Variants in RORA observed in about 807,000 individuals in gnomAD.
RORA encodes RAR related orphan receptor A, also known as nuclear receptor ROR-alpha.
A neutral mutation model predicts 69.5 loss-of-function variants in RORA; 7 were observed. That is an observed-to-expected ratio of 0.10 (90% CI 0.06 to 0.19). RORA has a LOEUF of 0.19. Among genes scored for constraint, RORA ranks in the 10% least tolerant of loss-of-function variants. The pLI is 1.00. For synonymous variants in RORA, 261 were observed against 240.8 expected (o/e 1.08, Z -0.78); for missense variants, 457 against 663.0 (o/e 0.69, Z 3.41).
intron 1 of RORA, among the ~76,000 whole-genome samples, chr15:61,133,558 C>A (rs955076532): frequency 1.3e-5 from 2 of 152,140 alleles, no homozygotes; most frequent in South Asian, 2.1e-4. Context: ...ACTCTAATGT[C>A]AGGCAAGCCC....
chr15:60,803,621 C>T lies in RORA; in HGVS notation c.167-124935G>A, dbSNP rs921298011. 3.3e-5 allele frequency among the ~76,000 whole-genome samples: 5 copies of T among 152,202 alleles called. 1 individual carries two copies. The highest frequency in any genetic ancestry group is 9.7e-5 in the African/African-American group (4 of 41,444). ...CCAAGTTGGAGGCCTAGCGTTGCTG[C>T]TAATTCCCTGTCAAATCATCTTTCT... On this transcript the variant is annotated intron_variant, in intron 1 of 10. Transcript: ENST00000335670.
At chr15:61,052,863 CAA>C (rs200521736) in intron 1 of RORA, among the ~76,000 whole-genome samples, 3,458 of 152,294 alleles carry the variant, frequency 0.023, 52 homozygotes, top group Non-Finnish European at 0.032. Context: ...GTACCCTGCA[CAA>C]AAGTGTCCAG....
chr15:61,048,417 G>A (rs1897139375), intron 1 of RORA, among the ~76,000 whole-genome samples: 2 of 152,172 alleles, frequency 1.3e-5, no homozygotes, highest in African/African-American at 4.8e-5. Flanking sequence ...AGGTGAGAGA[G>A]GCACAGGCAC....
At chr15:60,766,296 T>C (rs1043485433) in intron 1 of RORA, among the ~76,000 whole-genome samples, 3 of 152,164 alleles carry the variant, frequency 2.0e-5, no homozygotes, top group African/African-American at 7.2e-5. Flanking sequence ...TGTAATTTGC[T>C]CTTTTGCAGA....
chr15:60,907,788 T>C (rs1891587821), intron 1 of RORA, among the ~76,000 whole-genome samples: 1 of 152,194 alleles, frequency 6.6e-6, no homozygotes, highest in Admixed American at 6.5e-5. Flanking sequence ...CCACTTCCCA[T>C]GTGTCATTTG....
At chr15:60,741,132 C>T (rs1381159805) in intron 1 of RORA, among the ~76,000 whole-genome samples, 1 of 152,188 alleles carries the variant, frequency 6.6e-6, no homozygotes, top group Non-Finnish European at 1.5e-5. Flanking sequence ...CTTCAAGCAG[C>T]TAATGTTACA....
Position 61,140,360 on chromosome 15 carries a change from G to A in RORA, c.166+88693C>T, listed in dbSNP as rs190221779. Among the ~76,000 whole-genome samples, 363 of 152,296 alleles carry A rather than the reference G, an allele frequency of 2.4e-3. 2 individuals are homozygous for A. The highest frequency in any genetic ancestry group is 4.2e-3 in the Non-Finnish European group (288 of 68,018). ...AGGGATACTTAACATACCAGCACCTGTAGGTGTGCTTGATTAATAACCCCC... is the reference window on the plus strand; with the variant it reads ...AGGGATACTTAACATACCAGCACCTATAGGTGTGCTTGATTAATAACCCCC... On this transcript the variant is annotated intron_variant, in intron 1 of 10. Coordinates refer to ENST00000335670, the MANE Select transcript of RORA (RefSeq NM_134261.3).
At chr15:60,658,581 T>A (rs1337980109) in intron 2 of RORA, among the ~76,000 whole-genome samples, 7 of 152,162 alleles carry the variant, frequency 4.6e-5, no homozygotes. Flanking sequence ...TTTTCACATG[T>A]ATCTGCACAA....
chr15:61,223,084 C>A lies in RORA; in HGVS notation c.166+5969G>T, dbSNP rs140382500. On this transcript the variant is annotated intron_variant, in intron 1 of 10. Coordinates refer to ENST00000335670, the MANE Select transcript of RORA (RefSeq NM_134261.3). ...ATCCTAGCACTTTGGGAGGCCGAGG[C>A]GGGTGGATTGTCTAAGCTCAGGAGT... 1.2e-4 allele frequency among the ~76,000 whole-genome samples: 19 copies of A among 152,078 alleles called. No individual in the cohort carries two copies. In the East Asian group the frequency reaches 3.3e-3, roughly 26 times the overall value.
rs1242607495 is a variant in RORA at position 60,905,212 on chromosome 15, C to T, written c.167-226526G>A. 6.6e-6 allele frequency among the ~76,000 whole-genome samples: 1 copy of T among 152,174 alleles called. No homozygotes were observed. Among genetic ancestry groups the T allele is most frequent in the African/African-American group, 2.4e-5 (1 of 41,434 alleles). On this transcript the variant is annotated intron_variant, in intron 1 of 10. Transcript: ENST00000335670. The surrounding 1 kb of genome is among the most constrained non-coding windows in gnomAD (Gnocchi z 4.8). ...CCCTGTTATCATCTCTGATCTTGAC[C>T]ATTTCCCTTAGCCACTGGGCAACCA...
chr15:60,971,559 C>T (rs1595853607), intron 1 of RORA, among the ~76,000 whole-genome samples: 1 of 152,280 alleles, frequency 6.6e-6, no homozygotes, highest in East Asian at 1.9e-4. Context: ...CTCTGTGATT[C>T]TTCTCCTCAC....
chr15:61,000,187 T>C (rs949051171), intron 1 of RORA, among the ~76,000 whole-genome samples: 1 of 152,222 alleles, frequency 6.6e-6, no homozygotes, highest in Non-Finnish European at 1.5e-5. Context: ...ATACAGTTGA[T>C]GGTGAGTTCT....
intron 1 of RORA, among the ~76,000 whole-genome samples, chr15:60,808,634 T>G (rs2072694132): frequency 6.6e-6 from 1 of 151,384 alleles, no homozygotes; most frequent in South Asian, 2.1e-4. Context: ...CGGCACATTT[T>G]ACAATTGCAA....
At chr15:60,582,059 G>C (rs1468921109) in intron 2 of RORA, among the ~76,000 whole-genome samples, 3 of 151,956 alleles carry the variant, frequency 2.0e-5, no homozygotes, top group African/African-American at 4.8e-5. Context: ...CCCGCCCCTT[G>C]GTTTTAAATC....
intron 1 of RORA, among the ~76,000 whole-genome samples, chr15:60,748,139 A>T (rs1338797552): frequency 6.6e-6 from 1 of 152,206 alleles, no homozygotes; most frequent in Non-Finnish European, 1.5e-5. Flanking sequence ...ATAAAATAAG[A>T]TGAAAAGATT....
chr15:60,517,110 C>CTTTT (rs34707279), intron 3 of RORA, among the ~76,000 whole-genome samples: 3 of 141,274 alleles, frequency 2.1e-5, no homozygotes, highest in African/African-American at 5.6e-5. Context: ...TTCATCTGTG[C>CTTTT]TTTTTTTTTT....
Position 60,489,106 on chromosome 15 carries a change from A to G in RORA, c.*8349T>C, listed in dbSNP as rs2065000701. On this transcript the variant is annotated 3_prime_UTR_variant, in exon 11 of 11. Transcript: ENST00000335670. ...GCTTAGGATGCTAAATCGTGCTTTAAAAAAAAGGTTTCAATCTCTTTCCAA... is the reference window on the plus strand; with the variant it reads ...GCTTAGGATGCTAAATCGTGCTTTAGAAAAAAGGTTTCAATCTCTTTCCAA... 1 of 152,160 alleles carries G rather than the reference A, an allele frequency of 6.6e-6. No individual in the cohort carries two copies. Among genetic ancestry groups the G allele is most frequent in the African/African-American group, 2.4e-5 (1 of 41,442 alleles). 9.4% of individuals were successfully genotyped at this position (152,160 alleles called of 1,614,324 possible).
chr15:61,033,962 T>G (rs111598779), intron 1 of RORA, among the ~76,000 whole-genome samples: 294 of 152,344 alleles, frequency 1.9e-3, no homozygotes, highest in Middle Eastern at 0.01. Flanking sequence ...CCAAAATATT[T>G]TGGATATGTT....
chr15:60,684,587 A>C (rs2070710588), intron 1 of RORA, among the ~76,000 whole-genome samples: 1 of 152,230 alleles, frequency 6.6e-6, no homozygotes, highest in Non-Finnish European at 1.5e-5. Flanking sequence ...ACTGCACTCC[A>C]GCCTGGGCGA....
Sources: allele counts gnomAD v4.1 joint callset (sites outside exome capture counted in the v4.1 genomes callset), GRCh38; gene constraint gnomAD v4.1.1; non-coding constraint Gnocchi (gnomAD v3.1); transcripts MANE v1.5; gene names NCBI Gene and HGNC (gene_info 2026-07-23, HGNC 2026-07-21).